The following SMYD3 variants were observed in gnomAD, a reference collection of about 807,000 sequenced individuals.
The protein encoded by SMYD3 is histone-lysine N-methyltransferase SMYD3.
A neutral mutation model predicts 57.7 loss-of-function variants in SMYD3; 36 were observed. The ratio of observed to expected loss-of-function variants is 0.62; its 90% CI spans 0.48 to 0.82. The LOEUF is 0.82. SMYD3 is among the 40% of genes least tolerant of loss of function. SMYD3 has a pLI of 0.00. For missense variants in SMYD3, 515 were observed against 538.8 expected (o/e 0.96, Z 0.44); for synonymous variants, 211 against 195.0 (o/e 1.08, Z -0.68).
intron 1 of SMYD3, among the ~76,000 whole-genome samples, chr1:246,460,734 GA>G (rs2067785521): frequency 6.6e-6 from 1 of 152,174 alleles, no homozygotes; most frequent in African/African-American, 2.4e-5. Flanking sequence ...ATAAGTACTT[GA>G]AAACAGTTGT....
chr1:246,196,586 T>C (rs1290941439), intron 5 of SMYD3, among the ~76,000 whole-genome samples: 1 of 152,296 alleles, frequency 6.6e-6, no homozygotes, highest in Middle Eastern at 3.4e-3. Flanking sequence ...CTTCTAAGTA[T>C]TGTTCTTTTT....
chr1:245,792,468 C>A (rs2047317941), intron 10 of SMYD3, among the ~76,000 whole-genome samples: 1 of 152,060 alleles, frequency 6.6e-6, no homozygotes, highest in South Asian at 2.1e-4. Flanking sequence ...CAATAGACTC[C>A]AAAAACAGAC....
chr1:246,450,256 A>G (rs1470653552), intron 1 of SMYD3, among the ~76,000 whole-genome samples: 1 of 151,704 alleles, frequency 6.6e-6, no homozygotes, highest in Admixed American at 6.6e-5. Flanking sequence ...GCACCATTGC[A>G]CTCCAGCCTG....
chr1:245,887,191 G>T (rs895423170), intron 8 of SMYD3, among the ~76,000 whole-genome samples: 4 of 152,112 alleles, frequency 2.6e-5, no homozygotes, highest in African/African-American at 9.7e-5. Context: ...CAGTAAAGGA[G>T]CTGGCCAAAT....
At chr1:246,261,439 C>T (rs1298828807) in intron 5 of SMYD3, among the ~76,000 whole-genome samples, 3 of 151,254 alleles carry the variant, frequency 2.0e-5, no homozygotes. Context: ...TTTTAGAAAA[C>T]TTTTATTTTC....
chr1:246,021,923 G>A (rs2059477929), intron 5 of SMYD3, among the ~76,000 whole-genome samples: 1 of 152,224 alleles, frequency 6.6e-6, no homozygotes, highest in South Asian at 2.1e-4. Flanking sequence ...GTGACCTCTT[G>A]GAAGGTTTGA....
intron 5 of SMYD3, among the ~76,000 whole-genome samples, chr1:246,255,328 A>AATT (rs1037976869): frequency 3.3e-5 from 5 of 149,522 alleles, no homozygotes; most frequent in South Asian, 2.1e-4. Flanking sequence ...TTATAATAAT[A>AATT]ATTATTATTA....
chr1:245,921,572 C>CACACATACATACATACAT (rs1454246758), intron 7 of SMYD3, among the ~76,000 whole-genome samples: 1 of 139,908 alleles, frequency 7.1e-6, no homozygotes, highest in African/African-American at 2.7e-5. Context: ...TATATATATA[C>CACACATACATACATACAT]ACATACCATG....
At chr1:245,857,618 C>G (rs1245202138) in intron 10 of SMYD3, among the ~76,000 whole-genome samples, 3 of 131,864 alleles carry the variant, frequency 2.3e-5, no homozygotes, top group Non-Finnish European at 5.3e-5. Flanking sequence ...CCTCCCTCTG[C>G]CATCGCTCCT....
chr1:246,303,194 G>A (rs1558388827), intron 5 of SMYD3, among the ~76,000 whole-genome samples: 1 of 152,106 alleles, frequency 6.6e-6, no homozygotes, highest in Non-Finnish European at 1.5e-5. Context: ...ATAAAATTCT[G>A]CTAATAATAG....
In SMYD3 at chr1:246,066,183, T is replaced by C. The variant is rs548026675; in HGVS notation, c.532-136246A>G. On this transcript the variant is annotated intron_variant, in intron 5 of 11. Coordinates refer to ENST00000490107, the MANE Select transcript of SMYD3 (RefSeq NM_001167740.2). ...TGAACTTTGGGATGAAAACTCCTTA[T>C]GAATTCATTACAGATTTGAATTTTT... is the stretch of plus-strand genomic sequence containing the variant. Among the ~76,000 whole-genome samples, 314 of 152,338 alleles carry C rather than the reference T, an allele frequency of 2.1e-3. 3 individuals carry two copies. The highest frequency in any genetic ancestry group is 6.6e-3 in the African/African-American group (276 of 41,580).
intron 5 of SMYD3, among the ~76,000 whole-genome samples, chr1:246,074,411 T>TA (rs2060510352): frequency 6.8e-6 from 1 of 146,504 alleles, no homozygotes; most frequent in African/African-American, 2.6e-5. Context: ...GCAACAACCA[T>TA]AATAAAACTT....
At chr1:246,411,844 A>AGGGC (rs1293547174) in intron 1 of SMYD3, among the ~76,000 whole-genome samples, 1 of 106,634 alleles carries the variant, frequency 9.4e-6, no homozygotes. Flanking sequence ...GGGAGGGGGG[A>AGGGC]GGGATAGCAT....
intron 5 of SMYD3, among the ~76,000 whole-genome samples, chr1:246,064,848 T>A (rs2060314488): frequency 6.6e-6 from 1 of 152,266 alleles, no homozygotes; most frequent in Non-Finnish European, 1.5e-5. Context: ...CTCTTTGCAT[T>A]GGCTTTGTTC....
intron 1 of SMYD3, among the ~76,000 whole-genome samples, chr1:246,390,957 C>CA (rs569702743): frequency 1.1e-3 from 161 of 152,056 alleles, no homozygotes; most frequent in African/African-American, 3.4e-3. Context: ...CAGAGGAAGA[C>CA]AAAAAAGACA....
chr1:245,906,349 C>G (rs934130032), intron 8 of SMYD3, among the ~76,000 whole-genome samples: 1 of 152,116 alleles, frequency 6.6e-6, no homozygotes, highest in Non-Finnish European at 1.5e-5. Flanking sequence ...TTTGAATAGA[C>G]ATTGCTCAAA....
chr1:246,255,369 G>A (rs1310602390), intron 5 of SMYD3, among the ~76,000 whole-genome samples: 1 of 151,274 alleles, frequency 6.6e-6, no homozygotes, highest in Non-Finnish European at 1.5e-5. Flanking sequence ...CTGGTTTCTT[G>A]AGGGTTTTTA....
At chr1:246,335,213 C>G (rs1464412743) in intron 3 of SMYD3, among the ~76,000 whole-genome samples, 154 bp downstream of exon 3, 1 of 152,104 alleles carries the variant, frequency 6.6e-6, no homozygotes, top group Non-Finnish European at 1.5e-5. Context: ...TACTGGGAAG[C>G]CAAAAAATTT....
intron 1 of SMYD3, among the ~76,000 whole-genome samples, chr1:246,377,566 T>C (rs1461762125): frequency 1.3e-5 from 2 of 152,000 alleles, no homozygotes; most frequent in African/African-American, 4.8e-5. Context: ...ATAGGGTTTC[T>C]CCATGTTGGT....
Sources: gnomAD v4.1 joint callset for allele counts (sites outside exome capture counted in the v4.1 genomes callset) on GRCh38, gnomAD v4.1.1 for gene constraint, MANE v1.5 for transcripts, NCBI Gene and HGNC (gene_info 2026-07-23, HGNC 2026-07-21) for gene names.